Variants in FAM120A observed in about 807,000 individuals in gnomAD.
FAM120A encodes the protein constitutive coactivator of PPAR-gamma-like protein 1.
Under a neutral mutation model 109.7 loss-of-function variants are expected in FAM120A, and 15 were observed. The observed-to-expected ratio is 0.14, with a 90% confidence interval of 0.09 to 0.21. The LOEUF is 0.21. FAM120A is among the 10% of genes least tolerant of loss of function. FAM120A has a pLI of 1.00. For missense variants in FAM120A, 899 were observed against 1,439.3 expected, an observed-to-expected ratio of 0.62 and a Z score of 6.07; for synonymous variants, 493 against 572.8, an observed-to-expected ratio of 0.86 and a Z score of 1.99.
At chr9:93,563,363 A>G (rs1416913768) in intron 17 of FAM120A, among the ~76,000 whole-genome samples, 2 of 152,266 alleles carry the variant, frequency 1.3e-5, no homozygotes, top group African/African-American at 4.8e-5. Flanking sequence ...AGTCTATGAC[A>G]GTGGCTCTCA....
At chr9:93,475,400 A>G (rs1317550111) in intron 2 of FAM120A, among the ~76,000 whole-genome samples, 2 of 152,196 alleles carry the variant, frequency 1.3e-5, no homozygotes, top group Non-Finnish European at 2.9e-5. Context: ...TAACGTAGCA[A>G]TATTCCAAAT....
At chr9:93,523,321 AAG>A (rs773259213) in intron 7 of FAM120A, 22 of 1,289,310 alleles carry the variant, frequency 1.7e-5, no homozygotes, top group Non-Finnish European at 1.9e-5. Flanking sequence ...GTGTTTCACA[AAG>A]AGAATTCCAT....
Position 93,565,564 on chromosome 9 carries a change from TTATC to T in FAM120A, c.*1027_*1030del, listed in dbSNP as rs918448719. ...CATTTATTCTAAAGCCCCCCAAAAA[TTATC>T]TAGCCGTTTCGAATATCAACATTAC... is the stretch of plus-strand genomic sequence containing the variant. On this transcript the variant is annotated 3_prime_UTR_variant, in exon 18 of 18. Transcript: ENST00000277165. 1 of 152,362 alleles carries T rather than the reference TTATC, an allele frequency of 6.6e-6. No individual in the cohort carries two copies. The highest frequency in any genetic ancestry group is 1.5e-5 in the Non-Finnish European group (1 of 68,022). The allele number at this position is 152,362 out of a possible 1,614,324, so 9.4% of individuals were successfully genotyped here.
At position 93,529,382 on chromosome 9, in the gene FAM120A, A is replaced by C; in HGVS notation, c.1536A>C (p.Gly512=). Reference sequence around the variant, plus strand: ...AAGGCTCGTCCACTGCCTCTTCAGGAAGCCAACTAGCCGAAGGCAAGGGAA... The same window carrying C: ...AAGGCTCGTCCACTGCCTCTTCAGGCAGCCAACTAGCCGAAGGCAAGGGAA... ...KAEGSSTASS[G]SQLAEGKGSQ... The change falls in exon 9 of 18, where the codon GGA becomes GGC. Residue 512 remains glycine (G), a synonymous_variant. Coordinates refer to ENST00000277165, the MANE Select transcript of FAM120A (RefSeq NM_014612.5). 6.2e-7 allele frequency: 1 copy of C among 1,611,540 alleles called. No homozygotes were observed. The highest frequency in any genetic ancestry group is 8.5e-7 in the Non-Finnish European group (1 of 1,178,638).
At position 93,452,902 on chromosome 9, in the gene FAM120A, G is replaced by A. The variant is rs191040267; in HGVS notation, c.474+513G>A. On this transcript the variant is annotated intron_variant, in intron 1 of 17. Transcript: ENST00000277165. This position sits in a 1 kb window ranked among gnomAD's most constrained non-coding sequence, Gnocchi z 7.0. ...TGCTGCCGCCGCCCTTGCCAATGTT[G>A]TTAGCCCGGTGACAGCGAGACGTGT... 4.5e-4 allele frequency: 642 copies of A among 1,438,156 alleles called. 3 individuals are homozygous for A. The African/African-American group carries it at 8.5e-3, about 19-fold the overall frequency. The allele number at this position is 1,438,156 out of a possible 1,614,324, so 89.1% of individuals were successfully genotyped here. A position where few individuals can be genotyped will look rare whatever the true frequency, so the allele number is the denominator to read the frequency against.
chr9:93,532,625 C>G lies in FAM120A; in HGVS notation c.1909+296C>G, dbSNP rs1861371419. ...AAAGCAGACTTGAATTGCCGCCACT[C>G]TCTGTAATTACCACGTCTTGGTAAT... On this transcript the variant is annotated intron_variant, in intron 10 of 17. Coordinates refer to ENST00000277165, the MANE Select transcript of FAM120A (RefSeq NM_014612.5). The surrounding 1 kb of genome is among the most constrained non-coding windows in gnomAD (Gnocchi z 4.3). 2 of 366,384 alleles carry G rather than the reference C, an allele frequency of 5.5e-6. No homozygotes were observed. Among genetic ancestry groups the G allele is most frequent in the Non-Finnish European group, 1.0e-5 (2 of 194,434 alleles). 22.7% of individuals were successfully genotyped at this position (366,384 alleles called of 1,614,324 possible). A position where few individuals can be genotyped will look rare whatever the true frequency, so the allele number is the denominator to read the frequency against.
chr9:93,489,664 A>G (rs894671962), intron 3 of FAM120A, among the ~76,000 whole-genome samples: 2 of 152,222 alleles, frequency 1.3e-5, no homozygotes, highest in African/African-American at 2.4e-5. Flanking sequence ...GATTAATTGC[A>G]TTTTAACAGC....
intron 12 of FAM120A, among the ~76,000 whole-genome samples, 177 bp downstream of exon 12, chr9:93,550,868 A>G (rs899103618): frequency 6.6e-6 from 1 of 152,196 alleles, no homozygotes; most frequent in African/African-American, 2.4e-5. Context: ...CAAAAGGAAT[A>G]TTCCTTTCTA....
intron 12 of FAM120A, among the ~76,000 whole-genome samples, 160 bp downstream of exon 12, chr9:93,550,851 T>C (rs2131544685): frequency 6.6e-6 from 1 of 152,366 alleles, no homozygotes; most frequent in Non-Finnish European, 1.5e-5. Context: ...ATCAATCGCC[T>C]TCATGGCAAA....
At chr9:93,528,935 T>C (rs1402693475) in intron 8 of FAM120A, among the ~76,000 whole-genome samples, 2 of 152,202 alleles carry the variant, frequency 1.3e-5, no homozygotes, top group East Asian at 3.8e-4. Context: ...TTAGTTTTCC[T>C]GTTTGTGTAG....
rs1859562089 is a variant in FAM120A at position 93,496,034 on chromosome 9, A to ATAACAAGTC, written c.805-1429_805-1428insCTAACAAGT. ...AAAAAGGTGCTTTCTTTGCTTGTCC[A>ATAACAAGTC]TAACAAGTACTTCTTCATTTATTCA... On this transcript the variant is annotated intron_variant, in intron 3 of 17. Coordinates refer to ENST00000277165, the MANE Select transcript of FAM120A (RefSeq NM_014612.5). Among the ~76,000 whole-genome samples the ATAACAAGTC allele has an allele frequency of 2.0e-5, 3 of 152,332 alleles. No individual in the cohort carries two copies. The South Asian group carries it at 6.2e-4, about 32-fold the overall frequency.
chr9:93,506,354 A>G (rs1860054029), intron 5 of FAM120A, among the ~76,000 whole-genome samples: 2 of 152,332 alleles, frequency 1.3e-5, no homozygotes, highest in East Asian at 1.9e-4. Context: ...TTCATTAAGC[A>G]TTCATAACAT....
intron 15 of FAM120A, among the ~76,000 whole-genome samples, chr9:93,560,251 G>T (rs2131571642): frequency 6.6e-6 from 1 of 152,058 alleles, no homozygotes; most frequent in South Asian, 2.1e-4. Context: ...CCGTGATTGT[G>T]CCACTGCACT....
In FAM120A at chr9:93,564,700, A is replaced by G. The variant is rs1281680037; in HGVS notation, c.*160A>G. On this transcript the variant is annotated 3_prime_UTR_variant, in exon 18 of 18. Coordinates refer to ENST00000277165, the MANE Select transcript of FAM120A (RefSeq NM_014612.5). ...CCTCTTTGATATCAGAGATTTAAAC[A>G]ACACATTTTTAGTTTTAACCAGTTG... 1 of 571,302 alleles carries G rather than the reference A, an allele frequency of 1.8e-6. No individual in the cohort carries two copies. The highest frequency in any genetic ancestry group is 2.9e-6 in the Non-Finnish European group (1 of 340,996). The allele number at this position is 571,302 out of a possible 1,614,324, so 35.4% of individuals were successfully genotyped here.
chr9:93,522,703 ATGTATC>A (rs1860894879), intron 7 of FAM120A, among the ~76,000 whole-genome samples: 1 of 152,158 alleles, frequency 6.6e-6, no homozygotes, highest in Non-Finnish European at 1.5e-5. Flanking sequence ...GAACTTATGT[ATGTATC>A]TTAGGAGAGA....
In FAM120A at chr9:93,500,152, C is replaced by T. The variant is rs1185933333; in HGVS notation, c.1030+1266C>T. Among the ~76,000 whole-genome samples the T allele has an allele frequency of 6.6e-6, 1 of 152,212 alleles. No homozygotes were observed. Among genetic ancestry groups the T allele is most frequent in the Non-Finnish European group, 1.5e-5 (1 of 68,034 alleles). ...GCTCCCCTGCAATCCATTTTCTTCC[C>T]AGCAGCCAAAGTAATGTTTAAAAAT... On this transcript the variant is annotated intron_variant, in intron 5 of 17. Coordinates refer to ENST00000277165, the MANE Select transcript of FAM120A (RefSeq NM_014612.5). The surrounding 1 kb of genome is among the most constrained non-coding windows in gnomAD (Gnocchi z 4.6).
At chr9:93,521,816 A>G (rs1268732667) in intron 7 of FAM120A, among the ~76,000 whole-genome samples, 1 of 152,232 alleles carries the variant, frequency 6.6e-6, no homozygotes, top group East Asian at 1.9e-4. Flanking sequence ...GGCCGGGTGC[A>G]ATGGCTCATG....
At chr9:93,501,543 G>T (rs1371359365) in intron 5 of FAM120A, among the ~76,000 whole-genome samples, 1 of 152,182 alleles carries the variant, frequency 6.6e-6, no homozygotes, top group African/African-American at 2.4e-5. Flanking sequence ...GGCAGCTTAG[G>T]GTAGGCATGA....
chr9:93,452,147 C>T lies in FAM120A; in HGVS notation c.232C>T (p.Leu78=). 6.2e-7 allele frequency: 1 copy of T among 1,611,872 alleles called. No individual in the cohort carries two copies. The highest frequency in any genetic ancestry group is 8.5e-7 in the Non-Finnish European group (1 of 1,179,792). Residue 78 remains leucine (L), a synonymous_variant, in exon 1 of 18, where the codon CTG becomes TTG. Coordinates refer to ENST00000277165, the MANE Select transcript of FAM120A (RefSeq NM_014612.5). The surrounding 1 kb of genome is among the most constrained non-coding windows in gnomAD (Gnocchi z 7.0). The part of the protein sequence containing the change: ...GGQWNHMLGY[L]AALAKACFGG... ...CCAGTGGAACCACATGCTTGGCTACCTGGCGGCGCTGGCCAAGGCCTGCTT... is the reference window on the plus strand; with the variant it reads ...CCAGTGGAACCACATGCTTGGCTACTTGGCGGCGCTGGCCAAGGCCTGCTT...
Sources: gnomAD v4.1 joint callset for allele counts (sites outside exome capture counted in the v4.1 genomes callset) on GRCh38, gnomAD v4.1.1 for gene constraint, Gnocchi (gnomAD v3.1) non-coding constraint, MANE v1.5 for transcripts, NCBI Gene and HGNC (gene_info 2026-07-23, HGNC 2026-07-21) for gene names.